LDLRAD3: variants seen among roughly 807,000 people sequenced by gnomAD.
LDLRAD3 encodes the protein low density lipoprotein receptor class A domain containing 3.
Under a neutral mutation model 29.4 loss-of-function variants are expected in LDLRAD3, and 20 were observed. The observed-to-expected ratio is 0.68, with a 90% CI of 0.48 to 0.99. LDLRAD3 has a LOEUF of 0.99. LDLRAD3 is among the 50% of genes least tolerant of loss of function. The probability of loss-of-function intolerance (pLI) is 0.00; values close to 1 mark genes in which losing one functional copy is unlikely to be tolerated. For missense variants in LDLRAD3, 420 were observed against 454.3 expected, an observed-to-expected ratio of 0.92 and a Z score of 0.69; for synonymous variants, 157 against 192.7, an observed-to-expected ratio of 0.81 and a Z score of 1.53.
At chr11:36,083,735 TACACACACACAC>T (rs59333454) in intron 3 of LDLRAD3, among the ~76,000 whole-genome samples, 28,594 of 126,716 alleles carry the variant, frequency 0.23, 2,959 homozygotes, top group Non-Finnish European at 0.26. Context: ...AGGGAGAAAT[TACACACACACAC>T]ACACACACAC....
chr11:35,950,385 C>A (rs946924647), intron 1 of LDLRAD3, among the ~76,000 whole-genome samples: 5 of 152,166 alleles, frequency 3.3e-5, no homozygotes, highest in African/African-American at 7.2e-5. Flanking sequence ...AGATAAAATA[C>A]TGGTATACGT....
intron 4 of LDLRAD3, among the ~76,000 whole-genome samples, chr11:36,194,214 ACTTACAGGC>A (rs1185049127): frequency 1.3e-5 from 2 of 152,110 alleles, no homozygotes; most frequent in Non-Finnish European, 1.5e-5. Context: ...TGCTTTGGTA[ACTTACAGGC>A]CCAAGTCTCA....
chr11:36,000,381 A>G (rs1338248632), intron 1 of LDLRAD3, among the ~76,000 whole-genome samples: 1 of 151,808 alleles, frequency 6.6e-6, no homozygotes, highest in Admixed American at 6.6e-5. Context: ...GTAGAAAATG[A>G]GTTGTAAAGC....
At chr11:36,136,390 C>T (rs1406728680) in intron 4 of LDLRAD3, among the ~76,000 whole-genome samples, 7 of 152,144 alleles carry the variant, frequency 4.6e-5, no homozygotes, top group African/African-American at 2.4e-5. Flanking sequence ...CCAAATCTCA[C>T]GTTGAATTGT....
intron 1 of LDLRAD3, among the ~76,000 whole-genome samples, chr11:35,961,459 G>T (rs1301180073): frequency 2.0e-5 from 3 of 152,164 alleles, no homozygotes; most frequent in Non-Finnish European, 4.4e-5. Context: ...GGAGGATAAG[G>T]TTAATAGCAG....
At chr11:36,153,781 T>C (rs989624647) in intron 4 of LDLRAD3, among the ~76,000 whole-genome samples, 12 of 152,200 alleles carry the variant, frequency 7.9e-5, no homozygotes, top group African/African-American at 2.9e-4. Context: ...TGGGCAAATG[T>C]TTAAATTCCT....
intron 2 of LDLRAD3, among the ~76,000 whole-genome samples, chr11:36,044,512 C>T (rs1367662724): frequency 6.6e-6 from 1 of 152,196 alleles, no homozygotes; most frequent in Non-Finnish European, 1.5e-5. Context: ...GTTCCCAACA[C>T]CTCCATCCTC....
intron 3 of LDLRAD3, among the ~76,000 whole-genome samples, chr11:36,085,405 ATTTC>A (rs1853180565): frequency 6.6e-6 from 1 of 150,724 alleles, no homozygotes; most frequent in Admixed American, 6.6e-5. Context: ...TCTGGGTATA[ATTTC>A]TTTGAGTTTA....
chr11:36,177,828 G>A (rs1854701611), intron 4 of LDLRAD3, among the ~76,000 whole-genome samples: 1 of 152,234 alleles, frequency 6.6e-6, no homozygotes, highest in Admixed American at 6.5e-5. Flanking sequence ...ACTCCAGCAA[G>A]GAGGTGATGC....
At chr11:36,178,723 C>T (rs534215278) in intron 4 of LDLRAD3, among the ~76,000 whole-genome samples, 1 of 152,300 alleles carries the variant, frequency 6.6e-6, no homozygotes, top group African/African-American at 2.4e-5. Flanking sequence ...AAGTTGTTTC[C>T]ATCCTTCAAG....
At chr11:36,149,020 C>G (rs1854236817) in intron 4 of LDLRAD3, among the ~76,000 whole-genome samples, 1 of 152,194 alleles carries the variant, frequency 6.6e-6, no homozygotes, top group South Asian at 2.1e-4. Flanking sequence ...GAACCAGGCC[C>G]CATGTCGCAC....
intron 4 of LDLRAD3, among the ~76,000 whole-genome samples, chr11:36,223,850 C>A (rs1855462555): frequency 6.6e-6 from 1 of 151,918 alleles, no homozygotes; most frequent in Admixed American, 6.6e-5. Flanking sequence ...TTTCTACCCC[C>A]AGTTGCGAGA....
chr11:35,945,491 A>G (rs1017958835), intron 1 of LDLRAD3, among the ~76,000 whole-genome samples: 6 of 152,156 alleles, frequency 3.9e-5, no homozygotes, highest in African/African-American at 1.4e-4. Context: ...ATTTTTAACC[A>G]GGTCTGGGTG....
chr11:36,157,246 A>C lies in LDLRAD3; in HGVS notation c.454+58785A>C, dbSNP rs573333965. ...CATCATAGAGGATCTCTGCCCCCTC[A>C]TGCCTTTAAACGGGAACATTAATAA... On this transcript the variant is annotated intron_variant, in intron 4 of 5. Transcript: ENST00000315571. 3.9e-5 allele frequency among the ~76,000 whole-genome samples: 6 copies of C among 152,270 alleles called. No individual in the cohort carries two copies. The East Asian group carries it at 7.7e-4, about 20-fold the overall frequency.
At chr11:36,019,158 C>T (rs773774411) in intron 1 of LDLRAD3, among the ~76,000 whole-genome samples, 16 of 152,048 alleles carry the variant, frequency 1.1e-4, no homozygotes, top group South Asian at 2.1e-4. Flanking sequence ...TTGTGCAGCA[C>T]GGGGTAGATT....
chr11:35,983,557 A>G (rs1444002034), intron 1 of LDLRAD3, among the ~76,000 whole-genome samples: 1 of 152,190 alleles, frequency 6.6e-6, no homozygotes, highest in Non-Finnish European at 1.5e-5. Flanking sequence ...TGTGGCGGTC[A>G]AGGTATGTGC....
chr11:36,054,872 G>GATGGATGGATGGATGA (rs1302909190), intron 2 of LDLRAD3, among the ~76,000 whole-genome samples: 9 of 102,168 alleles, frequency 8.8e-5, no homozygotes, highest in African/African-American at 3.0e-4. Context: ...TGGATGAATG[G>GATGGATGGATGGATGA]ATGGATGGAT....
At chr11:36,032,107 A>AC (rs1279897683) in intron 1 of LDLRAD3, among the ~76,000 whole-genome samples, 1 of 152,216 alleles carries the variant, frequency 6.6e-6, no homozygotes, top group South Asian at 2.1e-4. Flanking sequence ...ATTAGGGCCC[A>AC]CCCTAATGCC....
intron 4 of LDLRAD3, among the ~76,000 whole-genome samples, chr11:36,173,063 A>G (rs1046835127): frequency 6.6e-6 from 1 of 151,998 alleles, no homozygotes; most frequent in African/African-American, 2.4e-5. Flanking sequence ...GGAGGGTTGT[A>G]TATTTCCAAA....
Sources: allele counts gnomAD v4.1 joint callset (sites outside exome capture counted in the v4.1 genomes callset), GRCh38; gene constraint gnomAD v4.1.1; transcripts MANE v1.5; gene names NCBI Gene and HGNC (gene_info 2026-07-23, HGNC 2026-07-21).